KCNIP4: variants seen among roughly 807,000 people sequenced by gnomAD.
KCNIP4 encodes potassium voltage-gated channel interacting protein 4.
KCNIP4 carries 12 observed loss-of-function variants against 34.0 expected under a neutral mutation model. That is an observed-to-expected ratio of 0.35 (90% CI 0.23 to 0.57). The LOEUF (loss-of-function observed/expected upper bound fraction) is 0.57. Ranked by LOEUF, KCNIP4 falls within the 20% of genes least tolerant of loss-of-function variation. KCNIP4 has a pLI of 0.83. For synonymous variants in KCNIP4, 124 were observed against 102.2 expected, an observed-to-expected ratio of 1.21 and a Z score of -1.29; for missense variants, 238 against 311.7, an observed-to-expected ratio of 0.76 and a Z score of 1.78.
At chr4:20,975,066 G>A (rs1735348024) in intron 1 of KCNIP4, among the ~76,000 whole-genome samples, 1 of 152,150 alleles carries the variant, frequency 6.6e-6, no homozygotes, top group Non-Finnish European at 1.5e-5. Flanking sequence ...TTACAAATGA[G>A]AGAACTGAGG....
rs185141603 is a variant in KCNIP4, at chr4:20,802,654, T to C, written c.289-43764A>G. Among the ~76,000 whole-genome samples the C allele has an allele frequency of 6.8e-4, 104 of 152,270 alleles. 2 individuals carry two copies. In the East Asian group the frequency reaches 0.015, roughly 22 times the overall value. ...AATATCGAAATCATACCTAGTATTG[T>C]TTCAGACCACAGTAGAAATTAGTAA... is the stretch of plus-strand genomic sequence containing the variant. On this transcript the variant is annotated intron_variant, in intron 3 of 8. Transcript: ENST00000382152.
At chr4:20,865,797 A>G (rs1722821239) in intron 2 of KCNIP4, among the ~76,000 whole-genome samples, 1 of 152,012 alleles carries the variant, frequency 6.6e-6, no homozygotes, top group Admixed American at 6.6e-5. Flanking sequence ...ATTATAGTTA[A>G]TATTGTATTT....
chr4:21,265,356 C>A (rs920654780), intron 1 of KCNIP4, among the ~76,000 whole-genome samples: 1 of 151,866 alleles, frequency 6.6e-6, no homozygotes, highest in Non-Finnish European at 1.5e-5. Flanking sequence ...CCTTGGGAAG[C>A]AATAAAGAAG....
chr4:21,351,985 T>C (rs916286208), intron 1 of KCNIP4, among the ~76,000 whole-genome samples: 2 of 152,202 alleles, frequency 1.3e-5, no homozygotes, highest in African/African-American at 4.8e-5. Flanking sequence ...ACATCATAAG[T>C]TGAGGCTCTG....
At chr4:21,255,826 T>A (rs759237628) in intron 1 of KCNIP4, among the ~76,000 whole-genome samples, 1 of 152,146 alleles carries the variant, frequency 6.6e-6, no homozygotes, top group Admixed American at 6.5e-5. Context: ...GAACTGTAAA[T>A]TGACTTGAAG....
At chr4:21,712,109 T>C (rs1447143873) in intron 1 of KCNIP4, among the ~76,000 whole-genome samples, 1 of 143,670 alleles carries the variant, frequency 7.0e-6, no homozygotes, top group East Asian at 2.0e-4. Context: ...AAAATTACAC[T>C]AGATAAACCT....
At chr4:20,947,134 A>G (rs182943626) in intron 1 of KCNIP4, among the ~76,000 whole-genome samples, 1 of 152,098 alleles carries the variant, frequency 6.6e-6, no homozygotes, top group Non-Finnish European at 1.5e-5. Context: ...AACTTACGTG[A>G]CTTTGCCTGA....
At chr4:21,508,287 T>C (rs56753617) in intron 1 of KCNIP4, among the ~76,000 whole-genome samples, 1,636 of 152,278 alleles carry the variant, frequency 0.011, 32 homozygotes, top group African/African-American at 0.038. Context: ...CTTTAACCAA[T>C]TCAAAAATGC....
intron 1 of KCNIP4, among the ~76,000 whole-genome samples, chr4:21,354,445 T>G (rs978692222): frequency 1.3e-5 from 2 of 152,074 alleles, no homozygotes; most frequent in Admixed American, 6.6e-5. Context: ...AATAAAGGGA[T>G]GGAGGAAGAC....
intron 1 of KCNIP4, among the ~76,000 whole-genome samples, chr4:21,349,515 C>A (rs1280791872): frequency 6.6e-6 from 1 of 152,066 alleles, no homozygotes; most frequent in African/African-American, 2.4e-5. Context: ...TTTTATAAAC[C>A]TTTAATGAAG....
chr4:20,736,674 A>G (rs1749709356), intron 5 of KCNIP4, among the ~76,000 whole-genome samples: 1 of 152,216 alleles, frequency 6.6e-6, no homozygotes, highest in Admixed American at 6.5e-5. Context: ...ACTTGAGAAT[A>G]TTTCAATTCG....
intron 1 of KCNIP4, among the ~76,000 whole-genome samples, chr4:21,725,193 A>C (rs1715101556): frequency 6.6e-6 from 1 of 152,116 alleles, no homozygotes; most frequent in Non-Finnish European, 1.5e-5. Flanking sequence ...TCAAAACACA[A>C]ATCCAGAAAA....
chr4:20,941,346 A>G (rs538726969), intron 1 of KCNIP4, among the ~76,000 whole-genome samples: 1 of 152,310 alleles, frequency 6.6e-6, no homozygotes, highest in African/African-American at 2.4e-5. Context: ...TGACTATATG[A>G]AAGAAATTGG....
At chr4:21,076,860 T>C (rs1745533983) in intron 1 of KCNIP4, among the ~76,000 whole-genome samples, 1 of 152,126 alleles carries the variant, frequency 6.6e-6, no homozygotes, top group African/African-American at 2.4e-5. Context: ...CAGTGGCTAG[T>C]GCTTGTAATC....
chr4:21,775,633 T>C (rs1313091900), intron 1 of KCNIP4, among the ~76,000 whole-genome samples: 3 of 152,056 alleles, frequency 2.0e-5, no homozygotes, highest in Admixed American at 2.0e-4. Flanking sequence ...CCCAGGGAGA[T>C]TCGAATTCTG....
At chr4:20,905,509 C>CTTTCT (rs71655610) in intron 1 of KCNIP4, among the ~76,000 whole-genome samples, 8 of 72,798 alleles carry the variant, frequency 1.1e-4, no homozygotes, top group East Asian at 4.8e-4. Context: ...CGTTTTCTTT[C>CTTTCT]TTTTTTTTTT....
intron 1 of KCNIP4, among the ~76,000 whole-genome samples, chr4:21,599,301 G>A (rs946162211): frequency 6.6e-5 from 10 of 151,968 alleles, no homozygotes; most frequent in Non-Finnish European, 1.5e-5. Flanking sequence ...GTCTTAGAAA[G>A]GGAATCAATA....
intron 1 of KCNIP4, among the ~76,000 whole-genome samples, chr4:21,486,425 T>A (rs148372572): frequency 6.6e-6 from 1 of 152,256 alleles, no homozygotes; most frequent in African/African-American, 2.4e-5. Context: ...AGATGAGATA[T>A]AAGTAATGTA....
At chr4:21,681,740 G>A (rs986027357) in intron 1 of KCNIP4, among the ~76,000 whole-genome samples, 2 of 152,094 alleles carry the variant, frequency 1.3e-5, no homozygotes, top group African/African-American at 4.8e-5. Flanking sequence ...TCTGCAGGCT[G>A]TACAGGAAGC....
Sources: allele counts gnomAD v4.1 joint callset (sites outside exome capture counted in the v4.1 genomes callset), GRCh38; gene constraint gnomAD v4.1.1; transcripts MANE v1.5; gene names NCBI Gene and HGNC (gene_info 2026-07-23, HGNC 2026-07-21).